The following NTM variants were observed in gnomAD, a reference collection of about 807,000 sequenced individuals.
NTM encodes the protein neurotrimin, also known as IgLON family member 2.
A neutral mutation model predicts 42.1 loss-of-function variants in NTM; 13 were observed. That is an observed-to-expected ratio of 0.31 (90% CI 0.20 to 0.49). The LOEUF (loss-of-function observed/expected upper bound fraction) is 0.49. Among genes scored for constraint, NTM ranks in the 20% least tolerant of loss-of-function variants. The pLI is 0.99. For missense variants in NTM, 373 were observed against 452.8 expected (o/e 0.82, Z 1.60); for synonymous variants, 187 against 179.2 (o/e 1.04, Z -0.35).
At chr11:131,589,957 C>A (rs528213749) in intron 1 of NTM, among the ~76,000 whole-genome samples, 1 of 152,350 alleles carries the variant, frequency 6.6e-6, no homozygotes, top group South Asian at 2.1e-4. Flanking sequence ...AAGGGATACG[C>A]TCTTCCCCAG....
intron 7 of NTM, among the ~76,000 whole-genome samples, chr11:132,318,592 T>TTAAGAC (rs2095489030): frequency 6.6e-6 from 1 of 152,144 alleles, no homozygotes; most frequent in Non-Finnish European, 1.5e-5. Context: ...GAGTGACTCA[T>TTAAGAC]TAAGACTATG....
chr11:132,095,556 A>C (rs919082244), intron 2 of NTM, among the ~76,000 whole-genome samples: 1 of 152,148 alleles, frequency 6.6e-6, no homozygotes, highest in African/African-American at 2.4e-5. Context: ...AACACAGAAG[A>C]CCAGAACTAA....
At chr11:131,519,521 T>A (rs399158) in intron 1 of NTM, among the ~76,000 whole-genome samples, 1 of 144,428 alleles carries the variant, frequency 6.9e-6, no homozygotes, top group Non-Finnish European at 1.5e-5. Flanking sequence ...GAGTTAGTTA[T>A]GACCAACCCA....
chr11:132,158,943 A>T (rs139415024), intron 3 of NTM, among the ~76,000 whole-genome samples: 1 of 152,352 alleles, frequency 6.6e-6, no homozygotes, highest in East Asian at 1.9e-4. Flanking sequence ...GGCGCACCAC[A>T]GCCTGGATAG....
chr11:131,445,794 T>C (rs1950012712), intron 1 of NTM, among the ~76,000 whole-genome samples: 1 of 152,156 alleles, frequency 6.6e-6, no homozygotes. Flanking sequence ...ATTTTTTTCT[T>C]TGAGGTCAAG....
chr11:131,939,306 T>C (rs916373980), intron 2 of NTM, among the ~76,000 whole-genome samples: 1 of 152,098 alleles, frequency 6.6e-6, no homozygotes, highest in Non-Finnish European at 1.5e-5. Context: ...TTTTGTGGAA[T>C]GCTGCCACAA....
At chr11:132,272,036 A>C (rs1214302820) in intron 4 of NTM, among the ~76,000 whole-genome samples, 2 of 152,118 alleles carry the variant, frequency 1.3e-5, no homozygotes, top group Non-Finnish European at 2.9e-5. Context: ...ATGTATCTTG[A>C]GTTAAATTTT....
intron 2 of NTM, among the ~76,000 whole-genome samples, chr11:132,074,078 C>A (rs180828451): frequency 6.6e-6 from 1 of 152,216 alleles, no homozygotes; most frequent in Admixed American, 6.5e-5. Flanking sequence ...AGCACAGATT[C>A]TCCCTCAACT....
Position 131,803,078 on chromosome 11 carries a change from G to C in NTM, c.83-108486G>C, listed in dbSNP as rs371491030. 5.9e-5 allele frequency among the ~76,000 whole-genome samples: 9 copies of C among 152,282 alleles called. 1 individual carries two copies. Among genetic ancestry groups the C allele is most frequent in the African/African-American group, 2.2e-4 (9 of 41,578 alleles). On this transcript the variant is annotated intron_variant, in intron 1 of 8. Coordinates refer to ENST00000683400, the MANE Select transcript of NTM (RefSeq NM_001352005.2). ...TTCCAGACACTTCACAGAGCTGTGA[G>C]GTAGCAAATACAGGACATTTGAATG...
chr11:132,161,574 AC>A (rs2074299573), intron 3 of NTM, among the ~76,000 whole-genome samples: 1 of 151,376 alleles, frequency 6.6e-6, no homozygotes, highest in African/African-American at 2.4e-5. Context: ...GGCACTGTGC[AC>A]CCGGGCTCAT....
intron 1 of NTM, among the ~76,000 whole-genome samples, chr11:131,519,032 T>C (rs1206985114): frequency 6.6e-6 from 1 of 152,212 alleles, no homozygotes; most frequent in African/African-American, 2.4e-5. Context: ...AGAGACTAAA[T>C]GAATAGAAAT....
At chr11:132,071,708 T>G (rs2057696489) in intron 2 of NTM, among the ~76,000 whole-genome samples, 1 of 152,200 alleles carries the variant, frequency 6.6e-6, no homozygotes, top group Admixed American at 6.5e-5. Flanking sequence ...CTCCCAGAAT[T>G]ATATGGGGTG....
intron 1 of NTM, chr11:131,534,448 C>T (rs982074357): frequency 1.3e-5 from 2 of 152,164 alleles, no homozygotes; most frequent in Non-Finnish European, 2.9e-5. Flanking sequence ...GTGAAGCATC[C>T]CTGAATCTTG....
intron 1 of NTM, among the ~76,000 whole-genome samples, chr11:131,611,019 A>T (rs541202971): frequency 6.6e-6 from 1 of 152,162 alleles, no homozygotes; most frequent in South Asian, 2.1e-4. Flanking sequence ...AAATAATGGG[A>T]TGGGAGCTGA....
At chr11:132,119,578 C>G (rs2064436769) in intron 2 of NTM, among the ~76,000 whole-genome samples, 1 of 152,238 alleles carries the variant, frequency 6.6e-6, no homozygotes, top group African/African-American at 2.4e-5. Flanking sequence ...GGACGGGAAG[C>G]AGCTGGGTGA....
intron 2 of NTM, among the ~76,000 whole-genome samples, chr11:132,045,569 A>G (rs964450638): frequency 1.3e-5 from 2 of 152,146 alleles, no homozygotes; most frequent in Non-Finnish European, 2.9e-5. Flanking sequence ...TGGCAATTTA[A>G]TATTCTAGTT....
chr11:131,911,393 T>C (rs1199945350), intron 1 of NTM, 171 bp from the exon 2 acceptor site: 3 of 1,587,396 alleles, frequency 1.9e-6, no homozygotes, highest in Non-Finnish European at 2.6e-6. Flanking sequence ...GTCCCCGCGC[T>C]CGCTCCGCAC....
intron 1 of NTM, among the ~76,000 whole-genome samples, chr11:131,599,580 T>A (rs151328088): frequency 1.9e-4 from 29 of 152,372 alleles, no homozygotes; most frequent in Middle Eastern, 6.8e-3. Context: ...CATTCATTCA[T>A]TCTAAATAAT....
At chr11:131,487,565 T>C (rs774312982) in intron 1 of NTM, among the ~76,000 whole-genome samples, 2 of 152,198 alleles carry the variant, frequency 1.3e-5, no homozygotes, top group Non-Finnish European at 2.9e-5. Context: ...GATAGGTGAG[T>C]ATATTAGCCA....
Sources: allele counts gnomAD v4.1 joint callset (sites outside exome capture counted in the v4.1 genomes callset), GRCh38; gene constraint gnomAD v4.1.1; transcripts MANE v1.5; gene names NCBI Gene and HGNC (gene_info 2026-07-23, HGNC 2026-07-21).